ANK2: variants seen among roughly 807,000 people sequenced by gnomAD.
ANK2 encodes ankyrin 2.
In ANK2, 83 loss-of-function variants were observed where a neutral mutation model predicts 360.5. That is an observed-to-expected ratio of 0.23 (90% CI 0.19 to 0.28). The LOEUF is 0.28. ANK2 is among the 10% of genes least tolerant of loss of function. ANK2 has a pLI of 1.00. For missense variants in ANK2, 4,201 were observed against 4,795.7 expected (o/e 0.88, Z 3.66); for synonymous variants, 1,740 against 1,759.5 (o/e 0.99, Z 0.28).
At chr4:113,281,712 A>G (rs994148621) in intron 17 of ANK2, among the ~76,000 whole-genome samples, 10 of 152,334 alleles carry the variant, frequency 6.6e-5, no homozygotes, top group African/African-American at 2.4e-4. Flanking sequence ...ATAAAACAAT[A>G]TATGTTGCAG....
At chr4:113,225,098 AAGAAG>A (rs1385832068) in intron 4 of ANK2, among the ~76,000 whole-genome samples, 3 of 152,138 alleles carry the variant, frequency 2.0e-5, no homozygotes, top group Non-Finnish European at 4.4e-5. Flanking sequence ...ACAATGGAGC[AAGAAG>A]AGAAAAGAAC....
intron 2 of ANK2, among the ~76,000 whole-genome samples, chr4:112,930,385 G>C (rs1581357951): frequency 6.6e-6 from 1 of 151,796 alleles, no homozygotes; most frequent in South Asian, 2.1e-4. Flanking sequence ...GGAGGTCAAG[G>C]CTATGGTGAG....
intron 2 of ANK2, among the ~76,000 whole-genome samples, chr4:112,935,791 C>T (rs977206980): frequency 2.6e-5 from 4 of 151,906 alleles, no homozygotes; most frequent in Admixed American, 6.6e-5. Flanking sequence ...TGCAGTGAGC[C>T]GAGATCATGC....
chr4:113,357,988 T>C lies in ANK2; in HGVS notation c.9370T>C (p.Tyr3124His). ...TGCCATTGATATGACCAAAAGGTCC[T>C]ATGCAGATGAAAGTTTTCACTTTTT... Reference protein sequence around the residue: ...SGAIDMTKRSYADESFHFFQI... With the variant: ...SGAIDMTKRSHADESFHFFQI... The change falls in exon 38 of 46, where the codon TAT (tyrosine) becomes CAT (histidine). Residue 3124 changes from tyrosine to histidine, a missense_variant. Tyr to His is a moderately conservative substitution (Grantham distance 83). Coordinates refer to ENST00000357077, the MANE Select transcript of ANK2 (RefSeq NM_001148.6). 2 of 1,614,046 alleles carry C rather than the reference T, an allele frequency of 1.2e-6. No homozygotes were observed. The highest frequency in any genetic ancestry group is 1.7e-6 in the Non-Finnish European group (2 of 1,179,956).
Position 113,355,941 on chromosome 4 carries a change from T to G in ANK2, c.7323T>G (p.Pro2441=). The G allele has an allele frequency of 6.2e-7, 1 of 1,614,138 alleles. No homozygotes were observed. Among genetic ancestry groups the G allele is most frequent in the South Asian group, 1.1e-5 (1 of 91,088 alleles). ...VSHKDSLEAS[P]VLEDNSSHKT... ...ACAAAGACTCTCTGGAAGCCAGCCC[T>G]GTGCTAGAAGATAACTCTTCACACA... Residue 2441 remains proline, a synonymous_variant, in exon 38 of 46, where the codon CCT becomes CCG. Transcript: ENST00000357077.
At chr4:113,314,088 T>C (rs943539805) in intron 24 of ANK2, among the ~76,000 whole-genome samples, 2 of 152,188 alleles carry the variant, frequency 1.3e-5, no homozygotes, top group East Asian at 1.9e-4. Flanking sequence ...TATGCATAGA[T>C]ATGGAAGAAT....
intron 34 of ANK2, among the ~76,000 whole-genome samples, chr4:113,345,035 C>A (rs1289384039): frequency 6.6e-6 from 1 of 152,050 alleles, no homozygotes; most frequent in African/African-American, 2.4e-5. Flanking sequence ...TGCCACCAAA[C>A]TAGACACCTT....
chr4:113,301,504 C>T (rs1168281069), intron 22 of ANK2, among the ~76,000 whole-genome samples: 3 of 152,044 alleles, frequency 2.0e-5, no homozygotes, highest in African/African-American at 7.2e-5. Flanking sequence ...AAAATCTACT[C>T]TCAGCAATTT....
chr4:113,248,578 G>A (rs2044302207), intron 9 of ANK2, among the ~76,000 whole-genome samples: 1 of 152,040 alleles, frequency 6.6e-6, no homozygotes, highest in African/African-American at 2.4e-5. Flanking sequence ...GGGAGGAGAA[G>A]GGTAGAGCAT....
At chr4:112,728,364 A>T in the ANK2 span, among the ~76,000 whole-genome samples, 1 of 151,548 alleles carries the variant, frequency 6.6e-6, no homozygotes, top group African/African-American at 2.4e-5. Flanking sequence ...ATGGACAATT[A>T]TAGATCAACA....
At chr4:112,931,478 C>T (rs1467055710) in intron 2 of ANK2, among the ~76,000 whole-genome samples, 5 of 140,386 alleles carry the variant, frequency 3.6e-5, no homozygotes. Context: ...TCACTTTCGC[C>T]GAGGCTGGAG....
chr4:113,138,539 A>G (rs1394587282), intron 1 of ANK2, among the ~76,000 whole-genome samples: 1 of 152,212 alleles, frequency 6.6e-6, no homozygotes, highest in Non-Finnish European at 1.5e-5. Flanking sequence ...TAGGTTTGTT[A>G]TTGACTGATG....
chr4:113,344,307 T>C (rs926997030), intron 34 of ANK2, among the ~76,000 whole-genome samples: 4 of 152,056 alleles, frequency 2.6e-5, no homozygotes, highest in Admixed American at 6.6e-5. Context: ...TTCAACAGCG[T>C]AGGGAAATGC....
At chr4:113,247,365 C>T (rs2043537237) in intron 9 of ANK2, among the ~76,000 whole-genome samples, 1 of 152,136 alleles carries the variant, frequency 6.6e-6, no homozygotes. Flanking sequence ...TGTTGGGTAA[C>T]TTGAATTTGA....
chr4:112,781,591 T>C, the ANK2 span, among the ~76,000 whole-genome samples: 5 of 152,142 alleles, frequency 3.3e-5, no homozygotes, highest in Non-Finnish European at 5.9e-5. Flanking sequence ...TTGTAAAGCA[T>C]GGCCTTATTT....
intron 24 of ANK2, among the ~76,000 whole-genome samples, chr4:113,314,393 A>T (rs952042417): frequency 6.6e-6 from 1 of 152,198 alleles, no homozygotes; most frequent in African/African-American, 2.4e-5. Context: ...TTACACTTTC[A>T]TACCACCTAT....
chr4:112,728,941 A>G, the ANK2 span, among the ~76,000 whole-genome samples: 1 of 152,064 alleles, frequency 6.6e-6, no homozygotes, highest in Non-Finnish European at 1.5e-5. Flanking sequence ...CTTTTTTGGC[A>G]CACACCTGTG....
chr4:113,115,933 G>A (rs993613748), intron 1 of ANK2, among the ~76,000 whole-genome samples: 2 of 152,164 alleles, frequency 1.3e-5, no homozygotes, highest in Non-Finnish European at 2.9e-5. Flanking sequence ...GTATTGGGAA[G>A]GAACGTCCAT....
At chr4:113,052,319 A>G (rs1012810111) in intron 1 of ANK2, among the ~76,000 whole-genome samples, 5 of 152,188 alleles carry the variant, frequency 3.3e-5, no homozygotes, top group African/African-American at 4.8e-5. Flanking sequence ...TTTCTACTAG[A>G]GGTTTACATT....
Sources: gnomAD v4.1 joint callset for allele counts (sites outside exome capture counted in the v4.1 genomes callset) on GRCh38, gnomAD v4.1.1 for gene constraint, MANE v1.5 for transcripts, NCBI Gene and HGNC (gene_info 2026-07-23, HGNC 2026-07-21) for gene names.